Variants in DUSP10 observed in about 807,000 individuals in gnomAD.
The protein encoded by DUSP10 is dual specificity protein phosphatase 10.
DUSP10 carries 14 observed loss-of-function variants against 30.8 expected under a neutral mutation model. That is an observed-to-expected ratio of 0.46 (90% CI 0.30 to 0.71). DUSP10 has a LOEUF of 0.71. Ranked by LOEUF, DUSP10 falls within the 30% of genes least tolerant of loss-of-function variation. The pLI, the probability that DUSP10 is intolerant of heterozygous loss-of-function variation, is 0.08. For synonymous variants in DUSP10, 254 were observed against 250.4 expected (o/e 1.01, Z -0.14); for missense variants, 550 against 619.4 (o/e 0.89, Z 1.19).
intron 2 of DUSP10, among the ~76,000 whole-genome samples, chr1:221,709,529 T>A (rs1660874323): frequency 1.3e-5 from 2 of 151,980 alleles, no homozygotes; most frequent in Non-Finnish European, 2.9e-5. Context: ...ACAAGGAAAT[T>A]CTCCTTGAGG....
intron 2 of DUSP10, among the ~76,000 whole-genome samples, chr1:221,724,223 C>A (rs1266720741): frequency 6.6e-6 from 1 of 152,130 alleles, no homozygotes; most frequent in African/African-American, 2.4e-5. Context: ...GGGCAACTTA[C>A]CTAACCTCTC....
At chr1:221,707,423 A>G (rs1660800093) in intron 2 of DUSP10, among the ~76,000 whole-genome samples, 1 of 152,216 alleles carries the variant, frequency 6.6e-6, no homozygotes, top group Admixed American at 6.5e-5. Context: ...ACATAAACCC[A>G]TCAAGAAACC....
intron 2 of DUSP10, among the ~76,000 whole-genome samples, chr1:221,722,220 A>G (rs1159362197): frequency 3.9e-5 from 6 of 152,384 alleles, no homozygotes; most frequent in African/African-American, 1.4e-4. Context: ...CTCAAAGAGC[A>G]ATAGCACGCT....
intron 2 of DUSP10, among the ~76,000 whole-genome samples, chr1:221,733,503 C>G (rs1661676189): frequency 2.0e-5 from 3 of 152,206 alleles, no homozygotes; most frequent in African/African-American, 7.2e-5. Context: ...CAAGAGTATT[C>G]ATACTTAACA....
rs537215366 is a variant in DUSP10, at chr1:221,741,650, C to T, written c.-44+331G>A. ...CATCCCCCCGCCCCCCGCTTCACTC[C>T]TCGGCACACAGCGCACTAATGAGCC... On this transcript the variant is annotated intron_variant, in intron 1 of 3. Coordinates refer to ENST00000366899, the MANE Select transcript of DUSP10 (RefSeq NM_007207.6). 1.8e-3 allele frequency among the ~76,000 whole-genome samples: 269 copies of T among 152,138 alleles called. 3 individuals carry two copies. The highest frequency in any genetic ancestry group is 6.2e-3 in the African/African-American group (259 of 41,464).
intron 2 of DUSP10, among the ~76,000 whole-genome samples, chr1:221,713,609 C>T (rs1661010562): frequency 6.6e-6 from 1 of 152,188 alleles, no homozygotes; most frequent in East Asian, 1.9e-4. Flanking sequence ...AACTTAGTTT[C>T]AACAACTTAT....
rs113310428 is a variant in DUSP10 at position 221,737,454 on chromosome 1, A to G, written c.811+1480T>C. 113 of 985,364 alleles carry G rather than the reference A, an allele frequency of 1.1e-4. No individual in the cohort carries two copies. The African/African-American group carries it at 1.9e-3, about 16-fold the overall frequency. 61.0% of individuals were successfully genotyped at this position (985,364 alleles called of 1,614,324 possible). On this transcript the variant is annotated intron_variant, in intron 2 of 3. Coordinates refer to ENST00000366899, the MANE Select transcript of DUSP10 (RefSeq NM_007207.6). Reference sequence around the variant, plus strand: ...TCCTGGGAATCACTCAAAGTCAACCATACAAGAATACAGAAACAATAAAAT... The same window carrying G: ...TCCTGGGAATCACTCAAAGTCAACCGTACAAGAATACAGAAACAATAAAAT...
chr1:221,736,683 C>T (rs530954047), intron 2 of DUSP10, among the ~76,000 whole-genome samples: 1 of 152,288 alleles, frequency 6.6e-6, no homozygotes, highest in South Asian at 2.1e-4. Context: ...CCCTTCTTTT[C>T]CATCTTGGTC....
In DUSP10 at chr1:221,737,763, G is replaced by T. The variant is rs142268048; in HGVS notation, c.811+1171C>A. On this transcript the variant is annotated intron_variant, in intron 2 of 3. Coordinates refer to ENST00000366899, the MANE Select transcript of DUSP10 (RefSeq NM_007207.6). The stretch of plus-strand genomic sequence containing the variant: ...AACACTGCTTAACAAAAGGCAGAAT[G>T]CCCCACTGGGAAGACAAGAAGGAGA... Among the ~76,000 whole-genome samples, 26 of 152,326 alleles carry T rather than the reference G, an allele frequency of 1.7e-4. No homozygotes were observed. The East Asian group carries it at 3.9e-3, about 23-fold the overall frequency.
At chr1:221,703,184 T>C (rs944670675) in intron 3 of DUSP10, among the ~76,000 whole-genome samples, 3 of 147,800 alleles carry the variant, frequency 2.0e-5, no homozygotes, top group Non-Finnish European at 4.5e-5. Flanking sequence ...CATATATATG[T>C]ATATGTATGT....
At chr1:221,724,867 G>C (rs1331697041) in intron 2 of DUSP10, among the ~76,000 whole-genome samples, 1 of 152,174 alleles carries the variant, frequency 6.6e-6, no homozygotes, top group Non-Finnish European at 1.5e-5. Flanking sequence ...ACTTGGAGAA[G>C]AGAGGCTCTC....
At chr1:221,709,141 T>C (rs1170066827) in intron 2 of DUSP10, among the ~76,000 whole-genome samples, 1 of 152,150 alleles carries the variant, frequency 6.6e-6, no homozygotes, top group East Asian at 1.9e-4. Flanking sequence ...CCAGTTGCCA[T>C]AGCAGTTACA....
At chr1:221,718,056 C>G (rs1396238211) in intron 2 of DUSP10, among the ~76,000 whole-genome samples, 1 of 133,216 alleles carries the variant, frequency 7.5e-6, no homozygotes, top group Non-Finnish European at 1.5e-5. Context: ...GGTGTCATAC[C>G]TTAAAGCCAA....
At chr1:221,717,803 C>G (rs1661152295) in intron 2 of DUSP10, among the ~76,000 whole-genome samples, 1 of 152,118 alleles carries the variant, frequency 6.6e-6, no homozygotes, top group Non-Finnish European at 1.5e-5. Flanking sequence ...CACCAGAACC[C>G]AACCATGCTG....
intron 2 of DUSP10, chr1:221,737,025 G>A (rs1363777621): frequency 2.0e-6 from 2 of 985,344 alleles, no homozygotes; most frequent in Non-Finnish European, 2.4e-6. Context: ...CAGAATCTCA[G>A]CTGCATCCAC....
chr1:221,739,870 T>C, intron 1 of DUSP10, 83 bp from the exon 2 acceptor site: 1 of 1,389,632 alleles, frequency 7.2e-7, no homozygotes, highest in Non-Finnish European at 9.4e-7. Flanking sequence ...GGAAAGACCT[T>C]TGCATCCCTC....
In DUSP10 at chr1:221,739,785, A is replaced by T. The variant is rs766836021; in HGVS notation, c.-41T>A. The stretch of plus-strand genomic sequence containing the variant: ...TGGCAATTCAAGAAGAACTCAAGAC[A>T]GTCTGTAAAGAAGGGGAAGGGGGAA... On this transcript the variant is annotated splice_region_variant and 5_prime_UTR_variant, in exon 2 of 4. Coordinates refer to ENST00000366899, the MANE Select transcript of DUSP10 (RefSeq NM_007207.6). The T allele has an allele frequency of 3.3e-6, 5 of 1,527,924 alleles. No individual in the cohort carries two copies. The East Asian group carries it at 6.8e-5, about 21-fold the overall frequency. The allele number at this position is 1,527,924 out of a possible 1,614,324, so 94.6% of individuals were successfully genotyped here. A position where few individuals can be genotyped will look rare whatever the true frequency, so the allele number is the denominator to read the frequency against.
intron 1 of DUSP10, among the ~76,000 whole-genome samples, chr1:221,741,323 G>A (rs975755634): frequency 6.6e-6 from 1 of 152,206 alleles, no homozygotes; most frequent in Non-Finnish European, 1.5e-5. Context: ...GACACGTCCA[G>A]GATCAACATA....
At chr1:221,714,422 G>C (rs151282625) in intron 2 of DUSP10, among the ~76,000 whole-genome samples, 1 of 152,264 alleles carries the variant, frequency 6.6e-6, no homozygotes, top group Non-Finnish European at 1.5e-5. Context: ...AATTACCTGC[G>C]ACTAGACATG....
Sources: gnomAD v4.1 joint callset for allele counts (sites outside exome capture counted in the v4.1 genomes callset) on GRCh38, gnomAD v4.1.1 for gene constraint, MANE v1.5 for transcripts, NCBI Gene and HGNC (gene_info 2026-07-23, HGNC 2026-07-21) for gene names.